The following EEPD1 variants were observed in gnomAD, a reference collection of about 807,000 sequenced individuals.
EEPD1 encodes the protein endonuclease/exonuclease/phosphatase family domain containing 1.
In EEPD1, 17 loss-of-function variants were observed where a neutral mutation model predicts 46.3. The ratio of observed to expected loss-of-function variants is 0.37; its 90% CI spans 0.25 to 0.55. EEPD1 has a LOEUF of 0.55. Among genes scored for constraint, EEPD1 ranks in the 20% least tolerant of loss-of-function variants. EEPD1 has a pLI of 0.83. For missense variants in EEPD1, 673 were observed against 745.6 expected (o/e 0.90, Z 1.13); for synonymous variants, 313 against 315.6 (o/e 0.99, Z 0.09).
At chr7:36,182,102 G>A (rs989415669) in intron 2 of EEPD1, among the ~76,000 whole-genome samples, 49 of 152,330 alleles carry the variant, frequency 3.2e-4, no homozygotes, top group African/African-American at 1.2e-3. Context: ...ATAAGGTTGT[G>A]CATCGCAGCG....
intron 5 of EEPD1, among the ~76,000 whole-genome samples, chr7:36,287,348 T>C (rs893829646): frequency 6.8e-6 from 1 of 146,258 alleles, no homozygotes; most frequent in Non-Finnish European, 1.5e-5. Context: ...AGAAAAAAAC[T>C]CAAACATTTA....
At chr7:36,207,703 C>T (rs528667341) in intron 2 of EEPD1, among the ~76,000 whole-genome samples, 1 of 152,236 alleles carries the variant, frequency 6.6e-6, no homozygotes, top group Admixed American at 6.5e-5. Flanking sequence ...TTGAAATCTG[C>T]AGAATATTTT....
At chr7:36,231,885 AT>A (rs1473384693) in intron 2 of EEPD1, among the ~76,000 whole-genome samples, 1 of 152,336 alleles carries the variant, frequency 6.6e-6, no homozygotes, top group African/African-American at 2.4e-5. Context: ...AGAATCTGAT[AT>A]CATAAATACT....
intron 3 of EEPD1, among the ~76,000 whole-genome samples, 195 bp downstream of exon 3, chr7:36,239,231 C>T (rs1786511115): frequency 6.6e-6 from 1 of 152,200 alleles, no homozygotes; most frequent in Non-Finnish European, 1.5e-5. Context: ...CACCTACAAA[C>T]TCGGCTGTAC....
In EEPD1 at chr7:36,193,813, CT is replaced by C. The variant is rs1785526283; in HGVS notation, c.878+38614del. Among the ~76,000 whole-genome samples the C allele has an allele frequency of 6.6e-6, 1 of 152,174 alleles. No homozygotes were observed. The highest frequency in any genetic ancestry group is 6.5e-5 in the Admixed American group (1 of 15,280). ...GGCCACACCCATCCTGGTGCCCTCTCTTTATGGCTGCCACCTCCCTCTGGGA... is the reference window on the plus strand; with the variant it reads ...GGCCACACCCATCCTGGTGCCCTCTCTTATGGCTGCCACCTCCCTCTGGGA... On this transcript the variant is annotated intron_variant, in intron 2 of 7. Coordinates refer to ENST00000242108, the MANE Select transcript of EEPD1 (RefSeq NM_030636.3). The surrounding 1 kb of genome is among the most constrained non-coding windows in gnomAD (Gnocchi z 4.9).
chr7:36,287,564 A>G, intron 5 of EEPD1, 75 bp from the exon 6 acceptor site: 1 of 1,550,400 alleles, frequency 6.4e-7, no homozygotes, highest in South Asian at 1.2e-5. Context: ...AAAGCTATTT[A>G]TGAGTCGGTT....
At position 36,239,141 on chromosome 7, in the gene EEPD1, C is replaced by T. The variant is rs535220145; in HGVS notation, c.930+105C>T. 4.7e-5 allele frequency: 53 copies of T among 1,122,796 alleles called. No individual in the cohort carries two copies. In the South Asian group the frequency reaches 5.4e-4, roughly 11 times the overall value. 69.6% of individuals were successfully genotyped at this position (1,122,796 alleles called of 1,614,324 possible). On this transcript the variant is annotated intron_variant, in intron 3 of 7. Coordinates refer to ENST00000242108, the MANE Select transcript of EEPD1 (RefSeq NM_030636.3). ...CCAGAGACAGCCCCTACTGAAAAGA[C>T]GGTCAGTTATTTTGTATTCCTGACA...
chr7:36,184,847 C>T (rs940169278), intron 2 of EEPD1, among the ~76,000 whole-genome samples: 1 of 152,130 alleles, frequency 6.6e-6, no homozygotes, highest in Admixed American at 6.5e-5. Flanking sequence ...TCTCCTGCCT[C>T]AGCCTCTCGA....
At chr7:36,246,682 C>T (rs573549994) in intron 3 of EEPD1, among the ~76,000 whole-genome samples, 1 of 152,206 alleles carries the variant, frequency 6.6e-6, no homozygotes, top group African/African-American at 2.4e-5. Context: ...GTCCTCCCTG[C>T]TGATAGGTGT....
At chr7:36,253,508 T>A (rs901321628) in intron 3 of EEPD1, among the ~76,000 whole-genome samples, 1 of 152,198 alleles carries the variant, frequency 6.6e-6, no homozygotes, top group African/African-American at 2.4e-5. Flanking sequence ...TCCTTGTTGA[T>A]CTTCTATCTG....
In EEPD1 at chr7:36,299,272, G is replaced by C; in HGVS notation, c.*66G>C. The C allele has an allele frequency of 6.5e-7, 1 of 1,544,140 alleles. No homozygotes were observed. The highest frequency in any genetic ancestry group is 8.8e-7 in the Non-Finnish European group (1 of 1,135,212). ...CACAGCCAAGGAATGAGCCCTGTGG[G>C]GTGACGCTTCAGGGCAGAGCTGCCT... is the stretch of plus-strand genomic sequence containing the variant. On this transcript the variant is annotated 3_prime_UTR_variant, in exon 8 of 8. Coordinates refer to ENST00000242108, the MANE Select transcript of EEPD1 (RefSeq NM_030636.3).
At chr7:36,278,629 G>A (rs547421753) in intron 3 of EEPD1, among the ~76,000 whole-genome samples, 69 of 152,316 alleles carry the variant, frequency 4.5e-4, no homozygotes, top group African/African-American at 1.5e-3. Flanking sequence ...GCACTGGAGA[G>A]CTGCTCTGTT....
At chr7:36,176,072 C>T (rs1163557609) in intron 2 of EEPD1, among the ~76,000 whole-genome samples, 2 of 152,162 alleles carry the variant, frequency 1.3e-5, no homozygotes, top group Non-Finnish European at 2.9e-5. Context: ...GAACCCTCGC[C>T]CTCCCCTGCC....
chr7:36,179,229 G>C (rs1447645469), intron 2 of EEPD1, among the ~76,000 whole-genome samples: 2 of 152,204 alleles, frequency 1.3e-5, no homozygotes, highest in African/African-American at 4.8e-5. Flanking sequence ...TAATGGGCTG[G>C]TGGGAGCTGG....
At chr7:36,224,892 T>C (rs1479981145) in intron 2 of EEPD1, among the ~76,000 whole-genome samples, 1 of 152,064 alleles carries the variant, frequency 6.6e-6, no homozygotes, top group African/African-American at 2.4e-5. Flanking sequence ...GTATGGGGGT[T>C]ATACTGGGTC....
At chr7:36,159,978 A>G (rs1187732592) in intron 2 of EEPD1, among the ~76,000 whole-genome samples, 2 of 152,184 alleles carry the variant, frequency 1.3e-5, no homozygotes, top group African/African-American at 4.8e-5. Context: ...AATGCAGGGA[A>G]CTTCCAATGT....
chr7:36,276,886 A>G (rs1025197717), intron 3 of EEPD1, among the ~76,000 whole-genome samples: 9 of 152,230 alleles, frequency 5.9e-5, no homozygotes, highest in African/African-American at 2.2e-4. Flanking sequence ...GTGGGGTGGC[A>G]GTAGTTGGGC....
chr7:36,161,665 G>T (rs1784902549), intron 2 of EEPD1, among the ~76,000 whole-genome samples: 1 of 152,056 alleles, frequency 6.6e-6, no homozygotes, highest in Non-Finnish European at 1.5e-5. Flanking sequence ...GTATACAAAT[G>T]CCAAGCTTAT....
chr7:36,233,989 C>T, intron 2 of EEPD1, among the ~76,000 whole-genome samples: 1 of 152,194 alleles, frequency 6.6e-6, no homozygotes, highest in East Asian at 1.9e-4. Context: ...GTCATCTCAG[C>T]TCACTGCAAC....
Sources: gnomAD v4.1 joint callset for allele counts (sites outside exome capture counted in the v4.1 genomes callset) on GRCh38, gnomAD v4.1.1 for gene constraint, Gnocchi (gnomAD v3.1) non-coding constraint, MANE v1.5 for transcripts, NCBI Gene and HGNC (gene_info 2026-07-23, HGNC 2026-07-21) for gene names.